Variants in MTERF3 observed in about 807,000 individuals in gnomAD.
The protein encoded by MTERF3 is transcription termination factor 3, mitochondrial.
A neutral mutation model predicts 40.5 loss-of-function variants in MTERF3; 40 were observed. The ratio of observed to expected loss-of-function variants is 0.99; its 90% CI spans 0.77 to 1.29. The LOEUF (loss-of-function observed/expected upper bound fraction) is 1.29. Ranked by LOEUF, MTERF3 falls within the 50% of genes most tolerant of loss-of-function variation. The pLI is 0.00. For synonymous variants in MTERF3, 158 were observed against 166.6 expected (o/e 0.95, Z 0.40); for missense variants, 452 against 478.2 (o/e 0.95, Z 0.51).
chr8:96,240,171 C>G (rs1032961883), intron 7 of MTERF3, among the ~76,000 whole-genome samples: 3 of 151,930 alleles, frequency 2.0e-5, no homozygotes, highest in Non-Finnish European at 4.4e-5. Flanking sequence ...TTGGTTGAAC[C>G]CAGGAGACGG....
chr8:96,241,311 G>A (rs1809924290), intron 7 of MTERF3, among the ~76,000 whole-genome samples: 1 of 151,766 alleles, frequency 6.6e-6, no homozygotes, highest in Non-Finnish European at 1.5e-5. Context: ...TCAGGAGGCT[G>A]AGTCAGAAGA....
intron 7 of MTERF3, 105 bp downstream of exon 7, chr8:96,243,814 T>C (rs1809971547): frequency 7.8e-7 from 1 of 1,282,790 alleles, no homozygotes; most frequent in Non-Finnish European, 1.1e-6. Flanking sequence ...ATTTGCGCCC[T>C]GCAAATTGTA....
At chr8:96,250,624 AAG>A (rs1491299439) in intron 4 of MTERF3, among the ~76,000 whole-genome samples, 4 of 12,758 alleles carry the variant, frequency 3.1e-4, no homozygotes, top group African/African-American at 1.3e-3. Flanking sequence ...GCAGAAGAAG[AAG>A]AAGAAGAAGA....
intron 4 of MTERF3, among the ~76,000 whole-genome samples, chr8:96,247,216 G>A (rs778446967): frequency 2.0e-5 from 3 of 152,056 alleles, no homozygotes; most frequent in Non-Finnish European, 2.9e-5. Flanking sequence ...CAAGTGATCC[G>A]CCCACCTCAG....
Position 96,240,980 on chromosome 8 carries a change from C to T in MTERF3, c.1060-1295G>A, listed in dbSNP as rs114935447. Among the ~76,000 whole-genome samples the T allele has an allele frequency of 8.6e-3, 1,311 of 152,332 alleles. 14 individuals carry two copies. The highest frequency in any genetic ancestry group is 0.029 in the African/African-American group (1,223 of 41,570). On this transcript the variant is annotated intron_variant, in intron 7 of 7. Coordinates refer to ENST00000287025, the MANE Select transcript of MTERF3 (RefSeq NM_015942.5). ...GCTTTTGGAACAGAACATCTCCCTT[C>T]TCAGTCTCTGCTATTCTGCCCTTGT...
In MTERF3 at chr8:96,243,960, C is replaced by T. The variant is rs1163519089; in HGVS notation, c.1018G>A (p.Val340Met). 2 of 1,614,098 alleles carry T rather than the reference C, an allele frequency of 1.2e-6. No homozygotes were observed. The highest frequency in any genetic ancestry group is 1.7e-6 in the Non-Finnish European group (2 of 1,179,988). The change falls in exon 7 of 8, where the codon GTG becomes ATG. Residue 340 changes from valine to methionine, a missense_variant. Val to Met is a conservative substitution (Grantham distance 21). Coordinates refer to ENST00000287025, the MANE Select transcript of MTERF3 (RefSeq NM_015942.5). ...LTETFDFVHN[V>M]MSIPHHIIVK... ...ATGATGTGGTGGGGAATGCTCATCA[C>T]ATTGTGCACAAAATCAAACGTCTCG...
At chr8:96,252,336 T>C (rs759212253) in intron 3 of MTERF3, among the ~76,000 whole-genome samples, 17 of 152,228 alleles carry the variant, frequency 1.1e-4, no homozygotes, top group Admixed American at 2.6e-4. Context: ...TTAAAATATA[T>C]GGGACCATTA....
At position 96,250,688 on chromosome 8, in the gene MTERF3, A is replaced by G. The variant is rs1343049084; in HGVS notation, c.677+218T>C. Among the ~76,000 whole-genome samples the G allele has an allele frequency of 3.5e-4, 10 of 28,748 alleles. 1 individual carries two copies. Among genetic ancestry groups the G allele is most frequent in the African/African-American group, 1.0e-3 (6 of 5,814 alleles). 18.9% of individuals were successfully genotyped at this position (28,748 alleles called of 152,430 possible). ...AAGAAGAAGAAGAAGAAGAAGGAGG[A>G]GGAGGAGGGGGGGAGGGGGAGGGGG... On this transcript the variant is annotated intron_variant, in intron 4 of 7. Transcript: ENST00000287025.
At chr8:96,251,129 C>G (rs578086243) in intron 3 of MTERF3, 34 bp from the exon 4 acceptor site, 2 of 1,506,770 alleles carry the variant, frequency 1.3e-6, no homozygotes, top group Admixed American at 4.9e-5. Flanking sequence ...TTGAAGATGA[C>G]TTCTTAGTTC....
intron 3 of MTERF3, among the ~76,000 whole-genome samples, chr8:96,255,741 T>C (rs944227827): frequency 5.9e-5 from 9 of 151,940 alleles, no homozygotes; most frequent in African/African-American, 1.9e-4. Flanking sequence ...CCCAAAAATA[T>C]GGGGAATGAC....
At chr8:96,239,840 A>G (rs1563543048) in intron 7 of MTERF3, 155 bp from the exon 8 acceptor site, 1 of 708,328 alleles carries the variant, frequency 1.4e-6, no homozygotes, top group Non-Finnish European at 2.6e-6. Context: ...TAAATCCTAT[A>G]TTTTCTGTGA....
chr8:96,261,612 G>A (rs1161267491), upstream of MTERF3: 2 of 161,594 alleles, frequency 1.2e-5, no homozygotes, highest in Admixed American at 6.5e-5. Flanking sequence ...GCCCTACACA[G>A]CGCAGCCGCG....
At chr8:96,247,595 C>G (rs1302019531) in intron 4 of MTERF3, among the ~76,000 whole-genome samples, 1 of 152,092 alleles carries the variant, frequency 6.6e-6, no homozygotes, top group Non-Finnish European at 1.5e-5. Flanking sequence ...TAATTACTGA[C>G]AAAACTAAGA....
intron 7 of MTERF3, among the ~76,000 whole-genome samples, chr8:96,243,418 TA>T (rs1233319567): frequency 1.3e-5 from 2 of 152,236 alleles, no homozygotes; most frequent in Admixed American, 1.3e-4. Flanking sequence ...TTTCTGCTTT[TA>T]AAGAGTCAAT....
Position 96,239,454 on chromosome 8 carries a change from T to C in MTERF3, c.*37A>G, listed in dbSNP as rs200464818. ...TATATTCATTTATTCATATATATAT[T>C]CACTTTACAATACTGCATTTTAACA... is the stretch of plus-strand genomic sequence containing the variant. On this transcript the variant is annotated 3_prime_UTR_variant, in exon 8 of 8. Coordinates refer to ENST00000287025, the MANE Select transcript of MTERF3 (RefSeq NM_015942.5). 1 of 1,412,936 alleles carries C rather than the reference T, an allele frequency of 7.1e-7. No homozygotes were observed. The highest frequency in any genetic ancestry group is 2.5e-5 in the East Asian group (1 of 40,804). The allele number at this position is 1,412,936 out of a possible 1,614,324, so 87.5% of individuals were successfully genotyped here.
At chr8:96,244,274 A>G (rs1052023931) in intron 6 of MTERF3, among the ~76,000 whole-genome samples, 194 bp from the exon 7 acceptor site, 6 of 151,946 alleles carry the variant, frequency 3.9e-5, no homozygotes. Context: ...ACACCTGGCT[A>G]ATTCTTGTAT....
At chr8:96,259,495 T>C (rs1810341231) in intron 1 of MTERF3, among the ~76,000 whole-genome samples, 1 of 152,240 alleles carries the variant, frequency 6.6e-6, no homozygotes, top group Admixed American at 6.5e-5. Flanking sequence ...TTTTCAAAAA[T>C]ATTTTTATCA....
Position 96,257,055 on chromosome 8 carries a change from G to T in MTERF3, c.394C>A (p.Gln132Lys). The T allele has an allele frequency of 6.2e-7, 1 of 1,613,968 alleles. No individual in the cohort carries two copies. Among genetic ancestry groups the T allele is most frequent in the Non-Finnish European group, 8.5e-7 (1 of 1,179,892 alleles). The change falls in exon 3 of 8, where the codon CAG (glutamine) becomes AAG (lysine). Residue 132 changes from glutamine to lysine, a missense_variant. Transcript: ENST00000287025. The part of the protein sequence containing the change: ...MQPISEEEAI[Q>K]IIADPPLPPA... ...GGCAATGGAGGGTCTGCAATAATCT[G>T]AATAGCCTCTTCCTCTGAAATTGGC...
chr8:96,250,956 C>T lies in MTERF3; in HGVS notation c.627G>A (p.Leu209=), dbSNP rs1480064542. 6.2e-7 allele frequency: 1 copy of T among 1,607,910 alleles called. No individual in the cohort carries two copies. Among genetic ancestry groups the T allele is most frequent in the East Asian group, 2.2e-5 (1 of 44,688 alleles). Residue 209 remains leucine (L), a synonymous_variant, in exon 4 of 8, where the codon CTG becomes CTA. Coordinates refer to ENST00000287025, the MANE Select transcript of MTERF3 (RefSeq NM_015942.5). The part of the protein sequence containing the change: ...GIEDNQLGAF[L]TKNHAIFSED... ...CAGAGAAAATTGCATGATTTTTTGT[C>T]AGGAATGCTCCCAGTTGGTTATCCT...
Sources: allele counts gnomAD v4.1 joint callset (sites outside exome capture counted in the v4.1 genomes callset), GRCh38; gene constraint gnomAD v4.1.1; transcripts MANE v1.5; gene names NCBI Gene and HGNC (gene_info 2026-07-23, HGNC 2026-07-21).